Variants in EIF2A observed in about 807,000 individuals in gnomAD.
EIF2A encodes 65 kDa eukaryotic translation initiation factor 2A.
In EIF2A, 62 loss-of-function variants were observed where a neutral mutation model predicts 75.2. That is an observed-to-expected ratio of 0.82 (90% CI 0.67 to 1.02). The LOEUF is 1.02. EIF2A is among the 50% of genes least tolerant of loss of function. The pLI is 0.00. For missense variants in EIF2A, 611 were observed against 677.7 expected (o/e 0.90, Z 1.09); for synonymous variants, 207 against 239.0 (o/e 0.87, Z 1.23).
chr3:150,547,844 T>A (rs1723125191), intron 1 of EIF2A, among the ~76,000 whole-genome samples: 1 of 152,216 alleles, frequency 6.6e-6, no homozygotes, highest in African/African-American at 2.4e-5. Flanking sequence ...GAGTATAATC[T>A]TCTAGATAAT....
intron 13 of EIF2A, 46 bp downstream of exon 13, chr3:150,583,311 T>C: frequency 6.5e-7 from 1 of 1,542,346 alleles, no homozygotes; most frequent in Non-Finnish European, 8.9e-7. Context: ...CCACCAGCCT[T>C]CCCCCTTTTA....
chr3:150,569,001 T>C (rs1190312104), intron 9 of EIF2A, among the ~76,000 whole-genome samples: 2 of 152,238 alleles, frequency 1.3e-5, no homozygotes, highest in Non-Finnish European at 2.9e-5. Flanking sequence ...AAAATACTGA[T>C]AGCGTCCTAA....
At chr3:150,556,835 G>C (rs1723595862) in intron 2 of EIF2A, among the ~76,000 whole-genome samples, 1 of 152,190 alleles carries the variant, frequency 6.6e-6, no homozygotes, top group Non-Finnish European at 1.5e-5. Flanking sequence ...TTGCGATAAG[G>C]GGGTGTTTAT....
intron 11 of EIF2A, among the ~76,000 whole-genome samples, chr3:150,577,138 A>G (rs528881159): frequency 2.0e-5 from 3 of 152,282 alleles, no homozygotes; most frequent in Admixed American, 2.0e-4. Flanking sequence ...GTGTCCTCCC[A>G]TGGTGGAAGG....
chr3:150,569,094 C>G (rs955544513), intron 9 of EIF2A, among the ~76,000 whole-genome samples: 1 of 152,070 alleles, frequency 6.6e-6, no homozygotes, highest in Non-Finnish European at 1.5e-5. Context: ...AGAGAAAAAA[C>G]AAGGATGGCT....
At chr3:150,559,599 G>A (rs950559365) in intron 3 of EIF2A, among the ~76,000 whole-genome samples, 4 of 144,630 alleles carry the variant, frequency 2.8e-5, no homozygotes, top group African/African-American at 5.1e-5. Flanking sequence ...CAAGCGATTC[G>A]CCTGCCTCAG....
intron 12 of EIF2A, 121 bp from the exon 13 acceptor site, chr3:150,583,079 C>G: frequency 1.3e-6 from 1 of 796,716 alleles, no homozygotes; most frequent in South Asian, 2.0e-5. Context: ...TTTAACAGAC[C>G]ATTGTTGATA....
intron 4 of EIF2A, 173 bp downstream of exon 4, chr3:150,562,833 T>G (rs542896224): frequency 4.0e-6 from 2 of 504,612 alleles, no homozygotes; most frequent in Admixed American, 3.5e-5. Context: ...AAATAAACAA[T>G]GTATTGAAAG....
At chr3:150,553,619 C>T (rs908773660) in intron 2 of EIF2A, among the ~76,000 whole-genome samples, 7 of 151,816 alleles carry the variant, frequency 4.6e-5, no homozygotes, top group African/African-American at 1.2e-4. Flanking sequence ...CCGTGTTGGC[C>T]AGGCTAGTCT....
intron 11 of EIF2A, among the ~76,000 whole-genome samples, chr3:150,580,020 C>G (rs183509855): frequency 6.6e-6 from 1 of 152,004 alleles, no homozygotes; most frequent in Non-Finnish European, 1.5e-5. Flanking sequence ...AAGAGTCATT[C>G]CTTTATTTTT....
Position 150,572,376 on chromosome 3 carries a change from G to A in EIF2A, c.1230G>A (p.Gln410=). 2 of 1,613,928 alleles carry A rather than the reference G, an allele frequency of 1.2e-6. No individual in the cohort carries two copies. The change falls in exon 10 of 14, where the codon CAG becomes CAA. Residue 410 remains glutamine, a synonymous_variant. Transcript: ENST00000460851. ...TGCCATCAAATGCAGAATTATGGCAGGTTTCTTGGCAGCCATTTTTGGATG... is the reference window on the plus strand; with the variant it reads ...TGCCATCAAATGCAGAATTATGGCAAGTTTCTTGGCAGCCATTTTTGGATG... ...YDVPSNAELW[Q]VSWQPFLDGI...
At chr3:150,562,501 A>C in intron 3 of EIF2A, 41 bp from the exon 4 acceptor site, 1 of 1,478,004 alleles carries the variant, frequency 6.8e-7, no homozygotes, top group Non-Finnish European at 9.3e-7. Flanking sequence ...GACTACTATA[A>C]AACAGTATTT....
At position 150,585,055 on chromosome 3, in the gene EIF2A, T is replaced by C. The variant is rs1049898103; in HGVS notation, c.*1144T>C. ...ATACTAACTGTTCTGTTTGGGGCTT[T>C]TTGGTGGTGGTGTTTGTTTGACAGG... On this transcript the variant is annotated 3_prime_UTR_variant, in exon 14 of 14. Transcript: ENST00000460851. Among the ~76,000 whole-genome samples the C allele has an allele frequency of 2.6e-5, 4 of 151,954 alleles. No individual in the cohort carries two copies. Among genetic ancestry groups the C allele is most frequent in the African/African-American group, 9.7e-5 (4 of 41,392 alleles).
At chr3:150,567,546 CCA>C in intron 6 of EIF2A, 145 bp from the exon 7 acceptor site, 1 of 596,598 alleles carries the variant, frequency 1.7e-6, no homozygotes, top group South Asian at 2.4e-5. Flanking sequence ...CATGCTTTTT[CCA>C]CTGTGTTACT....
intron 2 of EIF2A, among the ~76,000 whole-genome samples, chr3:150,556,860 C>T (rs1308219634): frequency 6.6e-6 from 1 of 152,158 alleles, no homozygotes; most frequent in East Asian, 1.9e-4. Context: ...TCAAAATGAG[C>T]TTCCTAAGAA....
intron 1 of EIF2A, among the ~76,000 whole-genome samples, chr3:150,547,774 C>T (rs1036880064): frequency 1.3e-5 from 2 of 152,134 alleles, no homozygotes; most frequent in Admixed American, 6.5e-5. Context: ...TGTTATTAAG[C>T]GCCATGCCCA....
At chr3:150,578,076 T>G (rs1053435972) in intron 11 of EIF2A, among the ~76,000 whole-genome samples, 2 of 152,108 alleles carry the variant, frequency 1.3e-5, no homozygotes, top group Non-Finnish European at 2.9e-5. Flanking sequence ...TTACAACTCA[T>G]TAGTAGTATC....
rs376043783 is a variant in EIF2A at position 150,562,599 on chromosome 3, G to A, written c.231G>A (p.Lys77=). The A allele has an allele frequency of 8.7e-6, 14 of 1,613,494 alleles. No individual in the cohort carries two copies. Among genetic ancestry groups the A allele is most frequent in the Non-Finnish European group, 1.2e-5 (14 of 1,179,738 alleles). The part of the protein sequence containing the change: ...KGLLHSFDLL[K]AVCLEFSPKN... ...TACTGCACTCCTTCGACCTCCTGAA[G>A]GCAGTTTGCCTTGAATTCTCACCCA... Residue 77 remains lysine (K), a synonymous_variant, in exon 4 of 14, where the codon AAG becomes AAA. Transcript: ENST00000460851.
At position 150,546,815 on chromosome 3, in the gene EIF2A, A is replaced by G. The variant is rs770906744; in HGVS notation, c.13A>G (p.Thr5Ala). MAPS[T>A]PLLTVRGSEG... ...TTTCCGGGACAACATGGCGCCGTCCACGCCGCTCTTGACAGGTGAGTTCTG... is the reference window on the plus strand; with the variant it reads ...TTTCCGGGACAACATGGCGCCGTCCGCGCCGCTCTTGACAGGTGAGTTCTG... The change falls in exon 1 of 14, where the codon ACG (threonine) becomes GCG (alanine). Residue 5 changes from threonine (T) to alanine (A), a missense_variant. Coordinates refer to ENST00000460851, the MANE Select transcript of EIF2A (RefSeq NM_032025.5). The G allele has an allele frequency of 3.7e-6, 6 of 1,612,410 alleles. No homozygotes were observed. In the Admixed American group the frequency reaches 1.0e-4, roughly 27 times the overall value.
Sources: gnomAD v4.1 joint callset for allele counts (sites outside exome capture counted in the v4.1 genomes callset) on GRCh38, gnomAD v4.1.1 for gene constraint, MANE v1.5 for transcripts, NCBI Gene and HGNC (gene_info 2026-07-23, HGNC 2026-07-21) for gene names.